OLAH: variants seen among roughly 807,000 people sequenced by gnomAD.
The protein encoded by OLAH is S-acyl fatty acid synthase thioesterase, medium chain.
A neutral mutation model predicts 27.8 loss-of-function variants in OLAH; 33 were observed. The observed-to-expected ratio is 1.19, with a 90% CI of 0.90 to 1.59. The LOEUF is 1.59. Among genes scored for constraint, OLAH ranks in the 40% most tolerant of loss-of-function variants. The probability of loss-of-function intolerance (pLI) is 0.00; values close to 1 mark genes in which losing one functional copy is unlikely to be tolerated. For synonymous variants in OLAH, 120 were observed against 102.9 expected, an observed-to-expected ratio of 1.17 and a Z score of -1.01; for missense variants, 359 against 310.8, an observed-to-expected ratio of 1.16 and a Z score of -1.17.
chr10:15,072,976 C>T (rs1296218755), intron 7 of OLAH, 111 bp from the exon 8 acceptor site: 1 of 949,014 alleles, frequency 1.1e-6, no homozygotes, highest in Non-Finnish European at 1.6e-6. Context: ...GAACATAAGG[C>T]CTTGAAAGTA....
chr10:15,050,117 G>A (rs888870675), intron 3 of OLAH, among the ~76,000 whole-genome samples: 3 of 152,134 alleles, frequency 2.0e-5, no homozygotes, highest in Non-Finnish European at 4.4e-5. Context: ...TTAATACAGA[G>A]TCTAAAAGAC....
At chr10:15,070,023 C>G (rs1462544204) in intron 6 of OLAH, among the ~76,000 whole-genome samples, 1 of 152,144 alleles carries the variant, frequency 6.6e-6, no homozygotes, top group African/African-American at 2.4e-5. Context: ...GCCATCTGAC[C>G]CTGTCTACTG....
intron 1 of OLAH, among the ~76,000 whole-genome samples, chr10:15,045,352 T>C (rs1843995031): frequency 6.6e-6 from 1 of 152,236 alleles, no homozygotes; most frequent in Non-Finnish European, 1.5e-5. Flanking sequence ...CAACTTTTAA[T>C]TGTCAACACC....
intron 1 of OLAH, among the ~76,000 whole-genome samples, chr10:15,046,455 C>T (rs1283405664): frequency 6.6e-6 from 1 of 151,820 alleles, no homozygotes; most frequent in Non-Finnish European, 1.5e-5. Context: ...TAGAATCCCT[C>T]TTTCTTGAGA....
chr10:15,040,778 A>G (rs997947670), upstream of OLAH, among the ~76,000 whole-genome samples: 2 of 152,212 alleles, frequency 1.3e-5, no homozygotes, highest in Non-Finnish European at 2.9e-5. Flanking sequence ...CAAAGCCTCC[A>G]TACTCAAAGA....
intron 6 of OLAH, among the ~76,000 whole-genome samples, chr10:15,071,248 C>T (rs1044955183): frequency 6.6e-6 from 1 of 152,134 alleles, no homozygotes; most frequent in African/African-American, 2.4e-5. Flanking sequence ...TCTCCATCCC[C>T]CTGGACTTGA....
intron 2 of OLAH, among the ~76,000 whole-genome samples, chr10:15,047,741 A>C (rs1430746028): frequency 6.6e-6 from 1 of 152,148 alleles, no homozygotes. Flanking sequence ...CTTTATCTTT[A>C]AACTAGTAAT....
intron 6 of OLAH, among the ~76,000 whole-genome samples, chr10:15,068,395 T>C (rs1844508234): frequency 6.6e-6 from 1 of 152,148 alleles, no homozygotes; most frequent in Admixed American, 6.6e-5. Flanking sequence ...ATAATCATTA[T>C]TACTATTATT....
At chr10:15,073,026 T>C (rs1844622049) in intron 7 of OLAH, 61 bp from the exon 8 acceptor site, 7 of 1,509,086 alleles carry the variant, frequency 4.6e-6, no homozygotes, top group Non-Finnish European at 6.4e-6. Flanking sequence ...AAATGATGTC[T>C]TGATGTGAAT....
intron 3 of OLAH, among the ~76,000 whole-genome samples, chr10:15,055,159 A>G (rs747432866): frequency 9.9e-5 from 15 of 151,982 alleles, no homozygotes. Flanking sequence ...AGAGATGGGG[A>G]AAGTGTTCTC....
chr10:15,038,895 A>T (rs1843880613), intron 1 of OLAH, among the ~76,000 whole-genome samples: 1 of 152,166 alleles, frequency 6.6e-6, no homozygotes. Context: ...TACTGCCCTG[A>T]ATTCTTGCAA....
chr10:15,051,990 A>G (rs1203071821), intron 3 of OLAH, among the ~76,000 whole-genome samples: 1 of 152,146 alleles, frequency 6.6e-6, no homozygotes. Flanking sequence ...GTACCAGAAT[A>G]TGTGGCTGCA....
chr10:15,065,853 A>G (rs112941358), intron 6 of OLAH, 100 bp downstream of exon 6: 29,537 of 1,087,522 alleles, frequency 0.027, 484 homozygotes, highest in African/African-American at 0.045. Context: ...GGAAGACAAA[A>G]TTCTAAGAGT....
intron 6 of OLAH, among the ~76,000 whole-genome samples, chr10:15,066,608 TATTTA>T (rs1025949983): frequency 2.1e-3 from 23 of 10,960 alleles, no homozygotes; most frequent in African/African-American, 0.015. Flanking sequence ...ATTTTTATTT[TATTTA>T]TTTATTTATT....
At chr10:15,046,420 T>C (rs1844018827) in intron 1 of OLAH, among the ~76,000 whole-genome samples, 1 of 152,186 alleles carries the variant, frequency 6.6e-6, no homozygotes, top group African/African-American at 2.4e-5. Context: ...AATGGGAAGT[T>C]TGGCACAGCA....
intron 4 of OLAH, 118 bp from the exon 5 acceptor site, chr10:15,064,285 T>C (rs1427922568): frequency 1.6e-6 from 1 of 634,556 alleles, no homozygotes; most frequent in Non-Finnish European, 2.8e-6. Context: ...ACTCACACTT[T>C]CCTTTCATCT....
chr10:15,050,335 T>C (rs1007251131), intron 3 of OLAH, among the ~76,000 whole-genome samples: 1 of 152,126 alleles, frequency 6.6e-6, no homozygotes, highest in African/African-American at 2.4e-5. Context: ...TGGTGCAATC[T>C]CGGCTCACTG....
chr10:15,072,762 G>C (rs1425132113), intron 7 of OLAH, among the ~76,000 whole-genome samples: 3 of 151,852 alleles, frequency 2.0e-5, no homozygotes, highest in South Asian at 4.2e-4. Flanking sequence ...CCTGGCCAGA[G>C]GGGGGTTATC....
At position 15,064,414 on chromosome 10, in the gene OLAH, A is replaced by C; in HGVS notation, c.314A>C (p.Tyr105Ser). 1 of 1,593,902 alleles carries C rather than the reference A, an allele frequency of 6.3e-7. No individual in the cohort carries two copies. The highest frequency in any genetic ancestry group is 8.5e-7 in the Non-Finnish European group (1 of 1,170,452). ...FAFFGHSMGS[Y>S]IAFRTALGLK... is the part of the protein sequence containing the mutation. The stretch of plus-strand genomic sequence containing the variant: ...TTTGCTGAATTTAGTATGGGATCCT[A>C]CATTGCTTTTAGGACTGCACTAGGT... Residue 105 changes from tyrosine (Y) to serine (S), a missense_variant, in exon 5 of 8, where the codon TAC becomes TCC. Transcript: ENST00000378228.
Sources: gnomAD v4.1 joint callset for allele counts (sites outside exome capture counted in the v4.1 genomes callset) on GRCh38, gnomAD v4.1.1 for gene constraint, MANE v1.5 for transcripts, NCBI Gene and HGNC (gene_info 2026-07-23, HGNC 2026-07-21) for gene names.